Variants in TNFRSF8 observed in about 807,000 individuals in gnomAD.
The protein encoded by TNFRSF8 is tumor necrosis factor receptor superfamily member 8.
TNFRSF8 carries 26 observed loss-of-function variants against 70.8 expected under a neutral mutation model. The ratio of observed to expected loss-of-function variants is 0.37; its 90% confidence interval spans 0.27 to 0.51. The LOEUF is 0.51. Among genes scored for constraint, TNFRSF8 ranks in the 20% least tolerant of loss-of-function variants. The pLI is 0.94. For missense variants in TNFRSF8, 720 were observed against 807.9 expected, an observed-to-expected ratio of 0.89 and a Z score of 1.32; for synonymous variants, 356 against 339.2, an observed-to-expected ratio of 1.05 and a Z score of -0.54.
intron 2 of TNFRSF8, among the ~76,000 whole-genome samples, chr1:12,096,424 T>TAAAA (rs34433681): frequency 7.4e-6 from 1 of 135,092 alleles, no homozygotes; most frequent in Non-Finnish European, 1.6e-5. Flanking sequence ...GCTGATGAGC[T>TAAAA]AAAAAAAAAA....
chr1:12,091,594 A>G (rs527426555), intron 2 of TNFRSF8, among the ~76,000 whole-genome samples: 45 of 152,226 alleles, frequency 3.0e-4, no homozygotes, highest in African/African-American at 1.1e-3. Flanking sequence ...TTCCATGAGA[A>G]GATGGTATTT....
chr1:12,082,600 CAAAACA>C (rs1354539773), intron 1 of TNFRSF8, among the ~76,000 whole-genome samples: 1 of 149,340 alleles, frequency 6.7e-6, no homozygotes, highest in Admixed American at 6.7e-5. Context: ...CAAAAACCCA[CAAAACA>C]AAAACCACGC....
chr1:12,124,163 C>T (rs545865434), intron 10 of TNFRSF8, among the ~76,000 whole-genome samples: 1 of 152,204 alleles, frequency 6.6e-6, no homozygotes, highest in South Asian at 2.1e-4. Flanking sequence ...TGCCACCACG[C>T]CTGGCTAAAT....
At chr1:12,120,420 G>A (rs1177830124) in intron 8 of TNFRSF8, among the ~76,000 whole-genome samples, 2 of 152,192 alleles carry the variant, frequency 1.3e-5, no homozygotes, top group Non-Finnish European at 2.9e-5. Context: ...TGAGGATATG[G>A]TGAGGGCACA....
intron 8 of TNFRSF8, among the ~76,000 whole-genome samples, chr1:12,120,344 G>A (rs151299166): frequency 6.0e-4 from 92 of 152,302 alleles, no homozygotes; most frequent in Non-Finnish European, 1.0e-3. Context: ...AAGGCTCCGA[G>A]GAAGTGTTCC....
rs606190 is a variant in TNFRSF8, at chr1:12,128,879, G to T, written c.1309+2643G>T. Among the ~76,000 whole-genome samples, 447 of 128,092 alleles carry T rather than the reference G, an allele frequency of 3.5e-3. 5 individuals are homozygous for T. Among genetic ancestry groups the T allele is most frequent in the African/African-American group, 0.013 (425 of 32,868 alleles). The allele number at this position is 128,092 out of a possible 152,430, so 84.0% of individuals were successfully genotyped here. ...AGACAGAGTCTCGCTCTGTCACCCA[G>T]GCTGGAGTGCACTGGTGCCATCTGG... On this transcript the variant is annotated intron_variant, in intron 12 of 14. Transcript: ENST00000263932.
intron 3 of TNFRSF8, among the ~76,000 whole-genome samples, chr1:12,097,779 T>C (rs1641355239): frequency 6.6e-6 from 1 of 152,100 alleles, no homozygotes. Context: ...TTTGTTGAGA[T>C]CTTTTTGTGG....
rs1323128504 is a variant in TNFRSF8, at chr1:12,112,684, C to T, written c.793+670C>T. Among the ~76,000 whole-genome samples the T allele has an allele frequency of 6.6e-6, 1 of 152,238 alleles. No individual in the cohort carries two copies. Among genetic ancestry groups the T allele is most frequent in the African/African-American group, 2.4e-5 (1 of 41,458 alleles). The stretch of plus-strand genomic sequence containing the variant: ...TTGCTGGGATTATAGGCATGAGCCA[C>T]CATGCCCGGCCTGCGAGCTGTTTTG... On this transcript the variant is annotated intron_variant, in intron 7 of 14. Coordinates refer to ENST00000263932, the MANE Select transcript of TNFRSF8 (RefSeq NM_001243.5). The surrounding 1 kb of genome is among the most constrained non-coding windows in gnomAD (Gnocchi z 5.3).
intron 12 of TNFRSF8, 88 bp from the exon 13 acceptor site, chr1:12,135,500 C>T: frequency 6.4e-7 from 1 of 1,572,680 alleles, no homozygotes. Flanking sequence ...CACCTGTGAT[C>T]CAGGAGGACC....
intron 1 of TNFRSF8, among the ~76,000 whole-genome samples, chr1:12,078,701 C>T (rs1641010345): frequency 6.6e-6 from 1 of 152,220 alleles, no homozygotes; most frequent in Non-Finnish European, 1.5e-5. Flanking sequence ...CTGGCCCTAA[C>T]ACTGACCAGC....
At chr1:12,105,766 C>T (rs1641511459) in intron 4 of TNFRSF8, among the ~76,000 whole-genome samples, 2 of 151,980 alleles carry the variant, frequency 1.3e-5, no homozygotes, top group Admixed American at 6.6e-5. Context: ...GGTGAAACCT[C>T]ATCTCTACTA....
intron 14 of TNFRSF8, among the ~76,000 whole-genome samples, chr1:12,140,758 C>A (rs1026874266): frequency 6.6e-5 from 10 of 152,202 alleles, no homozygotes; most frequent in African/African-American, 2.4e-4. Flanking sequence ...CAGCCTGTCC[C>A]CAGCTGTGGC....
intron 14 of TNFRSF8, among the ~76,000 whole-genome samples, chr1:12,140,096 G>C (rs1409087437): frequency 6.6e-6 from 1 of 152,258 alleles, no homozygotes; most frequent in Non-Finnish European, 1.5e-5. Context: ...ACAGTGCCTG[G>C]AATCCCAGGG....
intron 2 of TNFRSF8, among the ~76,000 whole-genome samples, chr1:12,090,286 C>T (rs1641225989): frequency 6.7e-6 from 1 of 148,588 alleles, no homozygotes; most frequent in South Asian, 2.2e-4. Flanking sequence ...TCCACTCTTC[C>T]CTAACCCATC....
At chr1:12,095,289 C>CTT (rs758380440) in intron 2 of TNFRSF8, among the ~76,000 whole-genome samples, 2 of 143,592 alleles carry the variant, frequency 1.4e-5, no homozygotes, top group Admixed American at 7.0e-5. Flanking sequence ...GTTACTGTAT[C>CTT]TTTTTTTTTT....
Position 12,113,971 on chromosome 1 carries a change from GT to G in TNFRSF8, c.794-1602del, listed in dbSNP as rs1316669678. ...AGGGCCAGAACATCACTGCAGCCATGTTTTGGGGAAATACAGTCTGCCACAA... is the reference window on the plus strand; with the variant it reads ...AGGGCCAGAACATCACTGCAGCCATGTTTGGGGAAATACAGTCTGCCACAA... On this transcript the variant is annotated intron_variant, in intron 7 of 14. Transcript: ENST00000263932. This position sits in a 1 kb window ranked among gnomAD's most constrained non-coding sequence, Gnocchi z 4.9. 6.6e-6 allele frequency among the ~76,000 whole-genome samples: 1 copy of G among 152,228 alleles called. No homozygotes were observed. Among genetic ancestry groups the G allele is most frequent in the Non-Finnish European group, 1.5e-5 (1 of 68,038 alleles).
chr1:12,093,221 G>A (rs986573471), intron 2 of TNFRSF8, among the ~76,000 whole-genome samples: 2 of 152,144 alleles, frequency 1.3e-5, no homozygotes, highest in Admixed American at 1.3e-4. Context: ...CACATCCTGA[G>A]GTACTGGGGG....
chr1:12,116,794 T>G (rs745316354), intron 8 of TNFRSF8, among the ~76,000 whole-genome samples: 2 of 151,678 alleles, frequency 1.3e-5, no homozygotes, highest in Non-Finnish European at 2.9e-5. Flanking sequence ...GGCGAAACTC[T>G]GCCTAAAAAA....
Position 12,072,876 on chromosome 1 carries a change from G to A in TNFRSF8, c.63+9215G>A, listed in dbSNP as rs115821158. Reference sequence around the variant, plus strand: ...CAGGCACCCTTCCCACTCTTGATTCGGGTGAGGGAGGCCAGGACGCAGCGG... The same window carrying A: ...CAGGCACCCTTCCCACTCTTGATTCAGGTGAGGGAGGCCAGGACGCAGCGG... On this transcript the variant is annotated intron_variant, in intron 1 of 14. Coordinates refer to ENST00000263932, the MANE Select transcript of TNFRSF8 (RefSeq NM_001243.5). 6.3e-3 allele frequency among the ~76,000 whole-genome samples: 962 copies of A among 152,256 alleles called. 13 individuals are homozygous for A. The highest frequency in any genetic ancestry group is 0.01 in the Admixed American group (155 of 15,294).
Sources: gnomAD v4.1 joint callset for allele counts (sites outside exome capture counted in the v4.1 genomes callset) on GRCh38, gnomAD v4.1.1 for gene constraint, Gnocchi (gnomAD v3.1) non-coding constraint, MANE v1.5 for transcripts, NCBI Gene and HGNC (gene_info 2026-07-23, HGNC 2026-07-21) for gene names.